ACTN1: variants seen among roughly 807,000 people sequenced by gnomAD.
ACTN1 encodes actinin alpha 1.
A neutral mutation model predicts 119.6 loss-of-function variants in ACTN1; 30 were observed. The observed-to-expected ratio is 0.25, with a 90% CI of 0.19 to 0.34. ACTN1 has a LOEUF of 0.34. Ranked by LOEUF, ACTN1 falls within the 10% of genes least tolerant of loss-of-function variation. The pLI is 1.00. For synonymous variants in ACTN1, 429 were observed against 472.6 expected (o/e 0.91, Z 1.20); for missense variants, 764 against 1,223.4 (o/e 0.62, Z 5.60).
At chr14:68,957,989 G>C (rs894201097) in intron 1 of ACTN1, among the ~76,000 whole-genome samples, 1 of 152,200 alleles carries the variant, frequency 6.6e-6, no homozygotes, top group Non-Finnish European at 1.5e-5. Flanking sequence ...ACGTGGTCAG[G>C]AGTCAGATCT....
intron 11 of ACTN1, among the ~76,000 whole-genome samples, chr14:68,889,778 C>T: frequency 6.7e-6 from 1 of 148,788 alleles, no homozygotes; most frequent in East Asian, 1.9e-4. Flanking sequence ...AACACAATTC[C>T]ATCTCAAAAA....
At chr14:68,935,374 G>GAGCT (rs1258592159) in intron 1 of ACTN1, among the ~76,000 whole-genome samples, 7 of 144,426 alleles carry the variant, frequency 4.8e-5, no homozygotes, top group Admixed American at 3.5e-4. Context: ...TCCTGTCAGA[G>GAGCT]AGCTCTCTGT....
chr14:68,900,176 T>C (rs1449885801), intron 8 of ACTN1, among the ~76,000 whole-genome samples: 1 of 152,114 alleles, frequency 6.6e-6, no homozygotes, highest in Non-Finnish European at 1.5e-5. Flanking sequence ...CCAGCCCATA[T>C]GGTGTCTCTG....
intron 1 of ACTN1, among the ~76,000 whole-genome samples, chr14:68,927,923 G>T (rs759102328): frequency 6.6e-6 from 1 of 152,088 alleles, no homozygotes; most frequent in South Asian, 2.1e-4. Context: ...TGGGGTGGGT[G>T]GTCTTTTCTC....
intron 13 of ACTN1, 96 bp from the exon 14 acceptor site, chr14:68,884,404 G>A (rs2031824811): frequency 7.1e-7 from 1 of 1,401,332 alleles, no homozygotes; most frequent in Admixed American, 2.2e-5. Flanking sequence ...AGGTCTAGAA[G>A]CACTGACTCA....
intron 1 of ACTN1, among the ~76,000 whole-genome samples, chr14:68,948,423 C>T (rs1414543964): frequency 1.3e-5 from 2 of 152,226 alleles, no homozygotes; most frequent in South Asian, 4.1e-4. Flanking sequence ...ACTAAAAATA[C>T]AAAAATTAGC....
At position 68,928,204 on chromosome 14, in the gene ACTN1, C is replaced by T. The variant is rs934750454; in HGVS notation, c.106-2532G>A. ...AGATAAAGGAGGAAGAGGCTGCTGT[C>T]GTAAAAAGACACTGCTTTTGAAAGA... On this transcript the variant is annotated intron_variant, in intron 1 of 21. Transcript: ENST00000394419. Among the ~76,000 whole-genome samples, 6 of 152,030 alleles carry T rather than the reference C, an allele frequency of 3.9e-5. No individual in the cohort carries two copies. The South Asian group carries it at 6.2e-4, about 16-fold the overall frequency.
chr14:68,937,006 T>G (rs960533048), intron 1 of ACTN1: 1 of 316,726 alleles, frequency 3.2e-6, no homozygotes, highest in Middle Eastern at 1.1e-3. Flanking sequence ...GAGAGTTTTC[T>G]CCCCTAACCA....
intron 3 of ACTN1, 55 bp downstream of exon 3, chr14:68,920,951 A>T: frequency 6.2e-7 from 1 of 1,603,382 alleles, no homozygotes; most frequent in Non-Finnish European, 8.5e-7. Context: ...AGGCCAAGAG[A>T]ACCAGGGGGA....
At chr14:68,962,529 C>T (rs961622400) in intron 1 of ACTN1, among the ~76,000 whole-genome samples, 2 of 152,146 alleles carry the variant, frequency 1.3e-5, no homozygotes, top group African/African-American at 4.8e-5. Context: ...CAATGCAGAG[C>T]CCTCCTCCCT....
intron 1 of ACTN1, among the ~76,000 whole-genome samples, chr14:68,928,768 A>T (rs925216524): frequency 6.6e-6 from 1 of 152,072 alleles, no homozygotes; most frequent in African/African-American, 2.4e-5. Context: ...GTCTCAGAGG[A>T]CTTGCTCTTG....
intron 16 of ACTN1, among the ~76,000 whole-genome samples, chr14:68,881,958 C>G (rs1222383046): frequency 1.3e-4 from 4 of 31,986 alleles, no homozygotes; most frequent in Admixed American, 4.2e-4. Flanking sequence ...TTTTTTTTGA[C>G]AGAGTCTTGC....
At chr14:68,937,199 G>A (rs553922710) in intron 1 of ACTN1, among the ~76,000 whole-genome samples, 5 of 151,476 alleles carry the variant, frequency 3.3e-5, no homozygotes, top group South Asian at 2.1e-4. Flanking sequence ...CACTGTCCTT[G>A]TAAAGTTTTT....
chr14:68,885,676 T>C lies in ACTN1; in HGVS notation c.1235-101A>G. The C allele has an allele frequency of 7.3e-7, 1 of 1,377,816 alleles. No homozygotes were observed. The highest frequency in any genetic ancestry group is 2.4e-5 in the East Asian group (1 of 41,378). The allele number at this position is 1,377,816 out of a possible 1,614,324, so 85.3% of individuals were successfully genotyped here. A position where few individuals can be genotyped will look rare whatever the true frequency, so the allele number is the denominator to read the frequency against. On this transcript the variant is annotated intron_variant, in intron 11 of 21. Coordinates refer to ENST00000394419, the MANE Select transcript of ACTN1 (RefSeq NM_001130004.2). This position sits in a 1 kb window ranked among gnomAD's most constrained non-coding sequence, Gnocchi z 5.6. ...GCCCCAGGAGCTCCACTTCTGGGGG[T>C]GCTTCTCAAGGAGGTGCCCATTGTG... is the stretch of plus-strand genomic sequence containing the variant.
At chr14:68,977,719 T>C in intron 1 of ACTN1, 1 of 314,280 alleles carries the variant, frequency 3.2e-6, no homozygotes, top group Non-Finnish European at 6.3e-6. Context: ...AAAAAGGGAA[T>C]GAATGTTACC....
chr14:68,933,472 TGGCCCTCTTG>T (rs1291572023), intron 1 of ACTN1, among the ~76,000 whole-genome samples: 1 of 152,068 alleles, frequency 6.6e-6, no homozygotes. Flanking sequence ...CTTGAAACAG[TGGCCCTCTTG>T]GGCTATCCTT....
chr14:68,927,111 T>G (rs145698294), intron 1 of ACTN1, among the ~76,000 whole-genome samples: 227 of 152,332 alleles, frequency 1.5e-3, no homozygotes, highest in African/African-American at 5.1e-3. Context: ...CGGCGTATTG[T>G]GCTATCCCAG....
At position 68,878,803 on chromosome 14, in the gene ACTN1, T is replaced by G. The variant is rs769035131; in HGVS notation, c.2361+186A>C. The G allele has an allele frequency of 7.6e-6, 12 of 1,584,206 alleles. No homozygotes were observed. The highest frequency in any genetic ancestry group is 9.4e-6 in the Non-Finnish European group (11 of 1,173,304). ...ACAGCGGGCACCCAGTAGGTTGCCA[T>G]GAAAGACAGCAGAGGGCAGAGGGTG... On this transcript the variant is annotated intron_variant, in intron 19 of 21. Coordinates refer to ENST00000394419, the MANE Select transcript of ACTN1 (RefSeq NM_001130004.2). This position sits in a 1 kb window ranked among gnomAD's most constrained non-coding sequence, Gnocchi z 4.4.
In ACTN1 at chr14:68,882,843, CA is replaced by C. The variant is rs759522292; in HGVS notation, c.1818+29del. ...AAAATCCCTGCCTTTATGAAACTTA[CA>C]ATGGCTCGGCCCATGCCCTTCAACT... On this transcript the variant is annotated intron_variant, in intron 15 of 21. Transcript: ENST00000394419. This position sits in a 1 kb window ranked among gnomAD's most constrained non-coding sequence, Gnocchi z 4.5. The C allele has an allele frequency of 8.8e-6, 14 of 1,599,996 alleles. No individual in the cohort carries two copies. The highest frequency in any genetic ancestry group is 1.2e-5 in the Non-Finnish European group (14 of 1,169,886).
Sources: allele counts gnomAD v4.1 joint callset (sites outside exome capture counted in the v4.1 genomes callset), GRCh38; gene constraint gnomAD v4.1.1; non-coding constraint Gnocchi (gnomAD v3.1); transcripts MANE v1.5; gene names NCBI Gene and HGNC (gene_info 2026-07-23, HGNC 2026-07-21).